Variants in IQCH observed in about 807,000 individuals in gnomAD.
IQCH encodes IQ domain-containing protein H.
IQCH carries 98 observed loss-of-function variants against 117.0 expected under a neutral mutation model. That is an observed-to-expected ratio of 0.84 (90% CI 0.71 to 0.99). The LOEUF is 0.99. Ranked by LOEUF, IQCH falls within the 50% of genes least tolerant of loss-of-function variation. IQCH has a pLI of 0.00. For missense variants in IQCH, 1,102 were observed against 1,243.8 expected, an observed-to-expected ratio of 0.89 and a Z score of 1.72; for synonymous variants, 412 against 448.2, an observed-to-expected ratio of 0.92 and a Z score of 1.02.
At chr15:67,488,394 A>G (rs975968143) in intron 18 of IQCH, among the ~76,000 whole-genome samples, 3 of 152,194 alleles carry the variant, frequency 2.0e-5, no homozygotes, top group Non-Finnish European at 2.9e-5. Flanking sequence ...CAAAACAGAC[A>G]TCTTTATAGA....
Position 67,447,406 on chromosome 15 carries a change from G to T in IQCH, c.2506-17721G>T, listed in dbSNP as rs1169106961. 6.6e-6 allele frequency among the ~76,000 whole-genome samples: 1 copy of T among 152,164 alleles called. No individual in the cohort carries two copies. The highest frequency in any genetic ancestry group is 1.5e-5 in the Non-Finnish European group (1 of 68,030). On this transcript the variant is annotated intron_variant, in intron 16 of 20. Coordinates refer to ENST00000335894, the MANE Select transcript of IQCH (RefSeq NM_001031715.3). This position sits in a 1 kb window ranked among gnomAD's most constrained non-coding sequence, Gnocchi z 5.3. The stretch of plus-strand genomic sequence containing the variant: ...CTTTCCTACAAACACGAGTCTGTAG[G>T]AAACAGTGGCAAAGTCATGGAATCC...
chr15:67,409,732 C>T (rs976726960), intron 14 of IQCH, among the ~76,000 whole-genome samples: 3 of 152,164 alleles, frequency 2.0e-5, no homozygotes, highest in African/African-American at 7.2e-5. Flanking sequence ...TTGTCTTTGC[C>T]GCTTTCAGCA....
chr15:67,293,985 A>G (rs1966838979), intron 4 of IQCH, among the ~76,000 whole-genome samples: 1 of 152,214 alleles, frequency 6.6e-6, no homozygotes, highest in Non-Finnish European at 1.5e-5. Context: ...TATGACTTGC[A>G]ATTTGAAAGG....
At chr15:67,275,414 C>G (rs890768325) in intron 3 of IQCH, among the ~76,000 whole-genome samples, 1 of 151,952 alleles carries the variant, frequency 6.6e-6, no homozygotes, top group African/African-American at 2.4e-5. Flanking sequence ...GTCTCATCCT[C>G]ATCTTTGGGT....
intron 14 of IQCH, among the ~76,000 whole-genome samples, chr15:67,409,133 ACAACTCC>A (rs1163556137): frequency 6.6e-6 from 1 of 152,120 alleles, no homozygotes; most frequent in African/African-American, 2.4e-5. Flanking sequence ...AGTAGTGTAA[ACAACTCC>A]CTGAAAGAAA....
chr15:67,317,606 G>T (rs1171634437), intron 4 of IQCH, among the ~76,000 whole-genome samples: 1 of 152,112 alleles, frequency 6.6e-6, no homozygotes, highest in Non-Finnish European at 1.5e-5. Flanking sequence ...CATTCATATG[G>T]TATACCTTGA....
At position 67,466,002 on chromosome 15, in the gene IQCH, C is replaced by T. The variant is rs914466619; in HGVS notation, c.2676+705C>T. Among the ~76,000 whole-genome samples, 1 of 152,196 alleles carries T rather than the reference C, an allele frequency of 6.6e-6. No individual in the cohort carries two copies. The highest frequency in any genetic ancestry group is 1.9e-4 in the East Asian group (1 of 5,200). On this transcript the variant is annotated intron_variant, in intron 17 of 20. Transcript: ENST00000335894. This position sits in a 1 kb window ranked among gnomAD's most constrained non-coding sequence, Gnocchi z 4.4. ...AAAAGCCAGTCTGAGCATGTTGTTCCCCTGTGTGTGATTTTGAATGGACTC... is the reference window on the plus strand; with the variant it reads ...AAAAGCCAGTCTGAGCATGTTGTTCTCCTGTGTGTGATTTTGAATGGACTC...
In IQCH at chr15:67,364,981, C is replaced by G. The variant is rs1458351067; in HGVS notation, c.753+5096C>G. On this transcript the variant is annotated intron_variant, in intron 8 of 20. Transcript: ENST00000335894. The surrounding 1 kb of genome is among the most constrained non-coding windows in gnomAD (Gnocchi z 4.1). The stretch of plus-strand genomic sequence containing the variant: ...TTTGAGATGCGGTCTCTCTCTGTCA[C>G]CTAGTCTGCAGTGCAGTGGCACGAT... Among the ~76,000 whole-genome samples, 1 of 152,162 alleles carries G rather than the reference C, an allele frequency of 6.6e-6. No individual in the cohort carries two copies. Among genetic ancestry groups the G allele is most frequent in the Non-Finnish European group, 1.5e-5 (1 of 68,030 alleles).
Position 67,466,838 on chromosome 15 carries a change from A to AC in IQCH, c.2676+1543dup, listed in dbSNP as rs969790008. The AC allele has an allele frequency of 1.3e-5, 2 of 152,292 alleles. No homozygotes were observed. Among genetic ancestry groups the AC allele is most frequent in the African/African-American group, 4.8e-5 (2 of 41,404 alleles). 9.4% of individuals were successfully genotyped at this position (152,292 alleles called of 1,614,324 possible). ...TGTGGCCTCCATCCTCACCAAAGAG[A>AC]CCTGAGAGACCCTATGTTCAGTGCT... On this transcript the variant is annotated intron_variant, in intron 17 of 20. Transcript: ENST00000335894. This position sits in a 1 kb window ranked among gnomAD's most constrained non-coding sequence, Gnocchi z 4.4.
Position 67,395,917 on chromosome 15 carries a change from A to G in IQCH, c.1905+354A>G, listed in dbSNP as rs1971456267. On this transcript the variant is annotated intron_variant, in intron 13 of 20. Coordinates refer to ENST00000335894, the MANE Select transcript of IQCH (RefSeq NM_001031715.3). This position sits in a 1 kb window ranked among gnomAD's most constrained non-coding sequence, Gnocchi z 4.0. ...ACTCCTGACCTCTAGTGATCTGCCC[A>G]CCTCAGCCTCCCAAAGTGCTGGGAT... 6.6e-6 allele frequency among the ~76,000 whole-genome samples: 1 copy of G among 151,624 alleles called. No homozygotes were observed. Among genetic ancestry groups the G allele is most frequent in the Non-Finnish European group, 1.5e-5 (1 of 67,894 alleles).
At chr15:67,451,238 C>A (rs1363078435) in intron 16 of IQCH, among the ~76,000 whole-genome samples, 182 of 151,942 alleles carry the variant, frequency 1.2e-3, no homozygotes, top group Non-Finnish European at 1.6e-3. Context: ...TTCTGCTCTG[C>A]TCTTAGTTAT....
At chr15:67,346,094 A>C (rs1434021552) in intron 6 of IQCH, among the ~76,000 whole-genome samples, 1 of 152,176 alleles carries the variant, frequency 6.6e-6, no homozygotes, top group African/African-American at 2.4e-5. Flanking sequence ...ACAATAATGA[A>C]AAGAAAGCTG....
chr15:67,429,016 T>C (rs1255524667), intron 16 of IQCH, among the ~76,000 whole-genome samples: 27 of 152,076 alleles, frequency 1.8e-4, no homozygotes, highest in Admixed American at 1.8e-3. Flanking sequence ...GGAAACAGAT[T>C]CTCCTCTAGA....
In IQCH at chr15:67,458,146, A is replaced by C. The variant is rs2082702406; in HGVS notation, c.2506-6981A>C. ...GCTGCAAAAGGAGAAAAAGTGCCTG[A>C]GATTTCAACCCACCCTCTATAACAT... On this transcript the variant is annotated intron_variant, in intron 16 of 20. Transcript: ENST00000335894. The surrounding 1 kb of genome is among the most constrained non-coding windows in gnomAD (Gnocchi z 4.1). 6.6e-6 allele frequency among the ~76,000 whole-genome samples: 1 copy of C among 152,248 alleles called. No individual in the cohort carries two copies. The highest frequency in any genetic ancestry group is 1.5e-5 in the Non-Finnish European group (1 of 68,040).
At position 67,342,462 on chromosome 15, in the gene IQCH, C is replaced by A. The variant is rs1458069294; in HGVS notation, c.509-1601C>A. Among the ~76,000 whole-genome samples, 1 of 152,052 alleles carries A rather than the reference C, an allele frequency of 6.6e-6. No individual in the cohort carries two copies. The highest frequency in any genetic ancestry group is 1.5e-5 in the Non-Finnish European group (1 of 68,006). On this transcript the variant is annotated intron_variant, in intron 5 of 20. Coordinates refer to ENST00000335894, the MANE Select transcript of IQCH (RefSeq NM_001031715.3). The surrounding 1 kb of genome is among the most constrained non-coding windows in gnomAD (Gnocchi z 4.7). ...TCTGAAATTAGGATAATTGCTTCAACCAGCACTAAAGCAAGGGTTGAAATC... is the reference window on the plus strand; with the variant it reads ...TCTGAAATTAGGATAATTGCTTCAAACAGCACTAAAGCAAGGGTTGAAATC...
rs895861334 is a variant in IQCH, at chr15:67,433,037, T to C, written c.2505+11460T>C. ...CTAACAGAGTATATCTAAATTAAAA[T>C]GTAATACGCCTTTGGTATTAACAGA... is the stretch of plus-strand genomic sequence containing the variant. On this transcript the variant is annotated intron_variant, in intron 16 of 20. Transcript: ENST00000335894. The surrounding 1 kb of genome is among the most constrained non-coding windows in gnomAD (Gnocchi z 5.4). 2.2e-4 allele frequency among the ~76,000 whole-genome samples: 33 copies of C among 152,220 alleles called. No individual in the cohort carries two copies. Among genetic ancestry groups the C allele is most frequent in the African/African-American group, 7.7e-4 (32 of 41,466 alleles).
rs575640829 is a variant in IQCH, at chr15:67,354,008, G to A, written c.638-3337G>A. On this transcript the variant is annotated intron_variant, in intron 6 of 20. Transcript: ENST00000335894. Reference sequence around the variant, plus strand: ...CTCACATACTCTAATATGCCAGAGGGGAGAAGGCCTCAGGCCTTTTATAGG... The same window carrying A: ...CTCACATACTCTAATATGCCAGAGGAGAGAAGGCCTCAGGCCTTTTATAGG... Among the ~76,000 whole-genome samples the A allele has an allele frequency of 6.6e-5, 10 of 152,202 alleles. No homozygotes were observed. In the East Asian group the frequency reaches 1.9e-3, roughly 29 times the overall value.
intron 16 of IQCH, among the ~76,000 whole-genome samples, chr15:67,450,148 T>C (rs926514995): frequency 7.9e-5 from 12 of 152,210 alleles, no homozygotes; most frequent in African/African-American, 2.9e-4. Context: ...TTTCTAGATA[T>C]ACAATCATGT....
At position 67,465,190 on chromosome 15, in the gene IQCH, TA is replaced by T; in HGVS notation, c.2570del (p.Tyr857SerfsTer2). 1 of 1,614,192 alleles carries T rather than the reference TA, an allele frequency of 6.2e-7. No individual in the cohort carries two copies. Among genetic ancestry groups the T allele is most frequent in the Non-Finnish European group, 8.5e-7 (1 of 1,180,024 alleles). On this transcript the variant is annotated frameshift_variant, in exon 17 of 21. Transcript: ENST00000335894. LOFTEE classifies it high-confidence loss of function. This position sits in a 1 kb window ranked among gnomAD's most constrained non-coding sequence, Gnocchi z 5.9. Reference sequence around the variant, plus strand: ...GCTGGCCCTGACTCAACTCACCTTATACCTGACAAACGGCCATCTGGATTGC... The same window carrying T: ...GCTGGCCCTGACTCAACTCACCTTATCCTGACAAACGGCCATCTGGATTGC... ...DQLALTQLTLYLTNGHLDCSL... is the reference protein window; with the variant it reads ...DQLALTQLTLXLTNGHLDCSL...
Sources: allele counts gnomAD v4.1 joint callset (sites outside exome capture counted in the v4.1 genomes callset), GRCh38; gene constraint gnomAD v4.1.1; non-coding constraint Gnocchi (gnomAD v3.1); transcripts MANE v1.5; gene names NCBI Gene and HGNC (gene_info 2026-07-23, HGNC 2026-07-21).